PHF2: variants seen among roughly 807,000 people sequenced by gnomAD.
PHF2 encodes PHD finger protein 2.
In PHF2, 27 loss-of-function variants were observed where a neutral mutation model predicts 120.5. The observed-to-expected ratio is 0.22, with a 90% confidence interval of 0.17 to 0.31. PHF2 has a LOEUF of 0.31. PHF2 is among the 10% of genes least tolerant of loss of function. The pLI is 1.00. For missense variants in PHF2, 1,024 were observed against 1,434.8 expected (o/e 0.71, Z 4.63); for synonymous variants, 568 against 592.5 (o/e 0.96, Z 0.60).
At chr9:93,662,689 CGGAT>C (rs1292368302) in intron 12 of PHF2, among the ~76,000 whole-genome samples, 10 of 144,962 alleles carry the variant, frequency 6.9e-5, no homozygotes, top group African/African-American at 2.6e-4. Flanking sequence ...GATGAATGAA[CGGAT>C]GGATGGATGA....
At chr9:93,615,144 A>G (rs1350435139) in intron 1 of PHF2, among the ~76,000 whole-genome samples, 5 of 135,804 alleles carry the variant, frequency 3.7e-5, no homozygotes, top group South Asian at 2.3e-4. Context: ...TGATGGTGAT[A>G]GTAATGGTGA....
At chr9:93,633,148 G>A (rs59669021) in intron 2 of PHF2, among the ~76,000 whole-genome samples, 2 of 152,310 alleles carry the variant, frequency 1.3e-5, no homozygotes, top group East Asian at 1.9e-4. Flanking sequence ...TTCCCAGAGC[G>A]AGCTGTGCCT....
chr9:93,619,464 G>T (rs1825787987), intron 1 of PHF2, among the ~76,000 whole-genome samples: 1 of 152,236 alleles, frequency 6.6e-6, no homozygotes, highest in Non-Finnish European at 1.5e-5. Flanking sequence ...AGGGTGGAGG[G>T]TGGAGGCCAA....
chr9:93,677,030 C>T lies in PHF2; in HGVS notation c.3202+67C>T. On this transcript the variant is annotated intron_variant, in intron 21 of 21. Transcript: ENST00000359246. This position sits in a 1 kb window ranked among gnomAD's most constrained non-coding sequence, Gnocchi z 4.4. ...GCCTGCCCCCATGGGCAGCCCCAGACATGCAGACTCGGCCCATGGTAGAGG... is the reference window on the plus strand; with the variant it reads ...GCCTGCCCCCATGGGCAGCCCCAGATATGCAGACTCGGCCCATGGTAGAGG... 1 of 1,438,842 alleles carries T rather than the reference C, an allele frequency of 7.0e-7. No individual in the cohort carries two copies. Among genetic ancestry groups the T allele is most frequent in the Non-Finnish European group, 9.2e-7 (1 of 1,084,488 alleles). The allele number at this position is 1,438,842 out of a possible 1,614,324, so 89.1% of individuals were successfully genotyped here.
At chr9:93,591,516 A>G (rs988086962) in intron 1 of PHF2, among the ~76,000 whole-genome samples, 5 of 152,210 alleles carry the variant, frequency 3.3e-5, no homozygotes, top group African/African-American at 1.2e-4. Context: ...CAAGCGGGAA[A>G]CTGAAGCTGC....
intron 1 of PHF2, among the ~76,000 whole-genome samples, chr9:93,591,081 G>A (rs1825209661): frequency 6.6e-6 from 1 of 152,160 alleles, no homozygotes; most frequent in Non-Finnish European, 1.5e-5. Flanking sequence ...CAGACATGTG[G>A]TGGGTGAGGC....
At chr9:93,663,107 G>A (rs1826608295) in intron 13 of PHF2, 81 bp downstream of exon 13, 5 of 1,569,714 alleles carry the variant, frequency 3.2e-6, no homozygotes, top group Non-Finnish European at 4.4e-6. Flanking sequence ...GAGGCCCTGT[G>A]TGTGTGAAGG....
chr9:93,648,128 C>A (rs1826293630), intron 4 of PHF2, among the ~76,000 whole-genome samples: 1 of 151,792 alleles, frequency 6.6e-6, no homozygotes, highest in Non-Finnish European at 1.5e-5. Context: ...TTTTTATATC[C>A]CTGAAGTCTC....
At position 93,636,414 on chromosome 9, in the gene PHF2, A is replaced by C; in HGVS notation, c.188A>C (p.Lys63Thr). Residue 63 changes from lysine to threonine, a missense_variant, in exon 3 of 22, where the codon AAG becomes ACG. This residue lies in a region of PHF2 where 347 missense variants were observed against 577.4 expected (regional missense o/e 0.60). Transcript: ENST00000359246. ...CEKTHGKSTL[K>T]KKRTWHKHGP... ...TTGCTTCCGGTCTCCTCCACAGTAA[A>C]GAAGAAGCGGACCTGGCACAAACAC... 1.2e-6 allele frequency: 2 copies of C among 1,604,814 alleles called. No homozygotes were observed. The highest frequency in any genetic ancestry group is 1.7e-6 in the Non-Finnish European group (2 of 1,175,774).
chr9:93,669,043 G>A lies in PHF2; in HGVS notation c.2348+1803G>A, dbSNP rs943008696. Among the ~76,000 whole-genome samples, 12 of 152,366 alleles carry A rather than the reference G, an allele frequency of 7.9e-5. 1 individual carries two copies. The highest frequency in any genetic ancestry group is 2.4e-4 in the African/African-American group (10 of 41,592). On this transcript the variant is annotated intron_variant, in intron 17 of 21. Coordinates refer to ENST00000359246, the MANE Select transcript of PHF2 (RefSeq NM_005392.4). ...GGAAAGGATTTGAGTATGATAATTG[G>A]TGGATTAAAAGTATTATTTTCCATG...
At position 93,659,431 on chromosome 9, in the gene PHF2, C is replaced by T. The variant is rs1366849585; in HGVS notation, c.1240-80C>T. 51 of 1,174,224 alleles carry T rather than the reference C, an allele frequency of 4.3e-5. No individual in the cohort carries two copies. In the East Asian group the frequency reaches 8.1e-4, roughly 19 times the overall value. 72.7% of individuals were successfully genotyped at this position (1,174,224 alleles called of 1,614,324 possible). Reference sequence around the variant, plus strand: ...TCATCTGAGTGGCTCGGCAGTCAGGCGACAGCCTGCAAGAATGCAGGGGTA... The same window carrying T: ...TCATCTGAGTGGCTCGGCAGTCAGGTGACAGCCTGCAAGAATGCAGGGGTA... On this transcript the variant is annotated intron_variant, in intron 10 of 21. Coordinates refer to ENST00000359246, the MANE Select transcript of PHF2 (RefSeq NM_005392.4).
chr9:93,647,367 T>G (rs1826279572), intron 4 of PHF2, among the ~76,000 whole-genome samples: 1 of 152,214 alleles, frequency 6.6e-6, no homozygotes, highest in South Asian at 2.1e-4. Context: ...CCCCTGGCCG[T>G]GTTCCCTCCA....
chr9:93,602,247 C>CTT (rs67001312), intron 1 of PHF2, among the ~76,000 whole-genome samples: 1,966 of 79,488 alleles, frequency 0.025, 264 homozygotes, highest in East Asian at 0.064. Flanking sequence ...CCTAGAGATT[C>CTT]TTTTTTTTTT....
chr9:93,646,110 GCCCTGGTGGTGCGGGCC>G (rs1826255096), intron 4 of PHF2, among the ~76,000 whole-genome samples: 1 of 152,214 alleles, frequency 6.6e-6, no homozygotes, highest in Non-Finnish European at 1.5e-5. Flanking sequence ...TGCCTGGGAG[GCCCTGGTGGTGCGGGCC>G]CATGTTCCCA....
intron 4 of PHF2, among the ~76,000 whole-genome samples, chr9:93,647,992 G>T (rs995463931): frequency 6.6e-6 from 1 of 151,902 alleles, no homozygotes; most frequent in Non-Finnish European, 1.5e-5. Context: ...TTCTATCATC[G>T]CACTCGATAA....
intron 1 of PHF2, among the ~76,000 whole-genome samples, chr9:93,624,838 A>C (rs1247836481): frequency 7.3e-6 from 1 of 137,632 alleles, no homozygotes; most frequent in East Asian, 2.4e-4. Flanking sequence ...GATGATGATG[A>C]TGGTGGTGGT....
At chr9:93,580,513 T>C (rs887464700) in intron 1 of PHF2, among the ~76,000 whole-genome samples, 1 of 152,178 alleles carries the variant, frequency 6.6e-6, no homozygotes, top group African/African-American at 2.4e-5. Flanking sequence ...GCCTGCAAAG[T>C]GAGCTGGCAT....
At chr9:93,644,066 C>T (rs1448141814) in intron 3 of PHF2, among the ~76,000 whole-genome samples, 1 of 152,038 alleles carries the variant, frequency 6.6e-6, no homozygotes, top group Non-Finnish European at 1.5e-5. Context: ...GGACAACCCG[C>T]AGACTACACC....
chr9:93,626,342 T>G (rs1825914875), intron 1 of PHF2, among the ~76,000 whole-genome samples: 1 of 152,244 alleles, frequency 6.6e-6, no homozygotes, highest in Non-Finnish European at 1.5e-5. Context: ...AATGTTGAGC[T>G]TCTTTTCATG....
Sources: gnomAD v4.1 joint callset for allele counts (sites outside exome capture counted in the v4.1 genomes callset) on GRCh38, gnomAD v4.1.1 for gene constraint, gnomAD v4.1.1 regional missense constraint, Gnocchi (gnomAD v3.1) non-coding constraint, MANE v1.5 for transcripts, NCBI Gene and HGNC (gene_info 2026-07-23, HGNC 2026-07-21) for gene names.